PCSK5: variants seen among roughly 807,000 people sequenced by gnomAD.
PCSK5 encodes the protein proprotein convertase subtilisin/kexin type 5.
A neutral mutation model predicts 233.2 loss-of-function variants in PCSK5; 129 were observed. The observed-to-expected ratio is 0.55, with a 90% CI of 0.48 to 0.64. The LOEUF (loss-of-function observed/expected upper bound fraction) is 0.64, where lower values mean the gene tolerates loss of function less well. PCSK5 is among the 30% of genes least tolerant of loss of function. The pLI is 0.00. For missense variants in PCSK5, 2,076 were observed against 2,430.1 expected (o/e 0.85, Z 3.06); for synonymous variants, 825 against 879.2 (o/e 0.94, Z 1.09).
At chr9:76,200,250 T>C (rs2131268619) in intron 20 of PCSK5, among the ~76,000 whole-genome samples, 1 of 152,340 alleles carries the variant, frequency 6.6e-6, no homozygotes, top group African/African-American at 2.4e-5. Flanking sequence ...CCATCCCCCA[T>C]GCCCTCACAT....
At chr9:76,196,413 C>T (rs1348196975) in intron 20 of PCSK5, among the ~76,000 whole-genome samples, 2 of 152,210 alleles carry the variant, frequency 1.3e-5, no homozygotes, top group African/African-American at 2.4e-5. Context: ...AATAAATCTC[C>T]GGTACATACC....
At chr9:76,115,872 G>C (rs148270219) in intron 9 of PCSK5, among the ~76,000 whole-genome samples, 21 of 152,182 alleles carry the variant, frequency 1.4e-4, no homozygotes, top group Non-Finnish European at 2.2e-4. Flanking sequence ...CTTGGGCTGA[G>C]TTTTGAATTG....
At chr9:76,338,572 T>G (rs1409021539) in intron 35 of PCSK5, 125 bp downstream of exon 35, 1 of 662,572 alleles carries the variant, frequency 1.5e-6, no homozygotes, top group Non-Finnish European at 2.6e-6. Context: ...TCGTGTGTGA[T>G]CCTCTCCAGC....
intron 3 of PCSK5, among the ~76,000 whole-genome samples, chr9:76,007,796 TTG>T (rs59860078): frequency 0.058 from 7,474 of 128,184 alleles, 218 homozygotes; most frequent in African/African-American, 0.1. Context: ...CCGGCTAATT[TTG>T]TGTGTGTGTG....
chr9:76,139,885 C>G (rs904155204), intron 10 of PCSK5, among the ~76,000 whole-genome samples: 1 of 152,104 alleles, frequency 6.6e-6, no homozygotes, highest in South Asian at 2.1e-4. Flanking sequence ...ACCCAAACAT[C>G]TCCATGGGAA....
intron 5 of PCSK5, among the ~76,000 whole-genome samples, chr9:76,057,434 G>A (rs1407764500): frequency 6.6e-6 from 1 of 151,744 alleles, no homozygotes; most frequent in South Asian, 2.1e-4. Context: ...AATGGGCTAG[G>A]GTGATTTAAA....
chr9:76,151,799 A>C (rs536189014), intron 10 of PCSK5, among the ~76,000 whole-genome samples: 1 of 152,268 alleles, frequency 6.6e-6, no homozygotes, highest in South Asian at 2.1e-4. Flanking sequence ...GTAATTATGC[A>C]GTTTGGTGCT....
At chr9:75,944,638 A>T (rs947171179) in intron 2 of PCSK5, among the ~76,000 whole-genome samples, 1 of 151,966 alleles carries the variant, frequency 6.6e-6, no homozygotes, top group African/African-American at 2.4e-5. Flanking sequence ...TTTCTCCCAC[A>T]TGTGTAAAGT....
intron 2 of PCSK5, among the ~76,000 whole-genome samples, chr9:75,964,144 T>G (rs975915129): frequency 1.3e-5 from 2 of 152,164 alleles, no homozygotes; most frequent in African/African-American, 4.8e-5. Flanking sequence ...GATGACACTT[T>G]CTGCTGCATC....
chr9:76,302,079 C>G, intron 27 of PCSK5, 58 bp from the exon 28 acceptor site: 1 of 803,118 alleles, frequency 1.2e-6, no homozygotes, highest in Non-Finnish European at 1.8e-6. Context: ...TGAAGTTTAT[C>G]TTCTTTATCC....
At chr9:76,317,751 A>G (rs1340859731) in intron 30 of PCSK5, among the ~76,000 whole-genome samples, 1 of 152,200 alleles carries the variant, frequency 6.6e-6, no homozygotes, top group Non-Finnish European at 1.5e-5. Context: ...GAGGCATAAA[A>G]TGTGCCCGAT....
At chr9:76,260,510 A>T (rs1827135363) in intron 24 of PCSK5, among the ~76,000 whole-genome samples, 1 of 152,262 alleles carries the variant, frequency 6.6e-6, no homozygotes, top group Non-Finnish European at 1.5e-5. Flanking sequence ...TGAAGCTGGC[A>T]GAAGAGATGC....
chr9:76,058,268 A>T lies in PCSK5; in HGVS notation c.633-9687A>T, dbSNP rs545534162. The stretch of plus-strand genomic sequence containing the variant: ...TTTTCGAGAGTGAGCAACCAACCTC[A>T]TCCAGCCTGGAGGTATTTTTTAATA... On this transcript the variant is annotated intron_variant, in intron 5 of 37. Coordinates refer to ENST00000674117, the MANE Select transcript of PCSK5 (RefSeq NM_001372043.1). Among the ~76,000 whole-genome samples the T allele has an allele frequency of 1.2e-4, 18 of 152,260 alleles. No individual in the cohort carries two copies. The South Asian group carries it at 2.7e-3, about 23-fold the overall frequency.
intron 2 of PCSK5, among the ~76,000 whole-genome samples, chr9:75,977,755 C>T (rs62555951): frequency 0.35 from 52,756 of 151,142 alleles, 9,902 homozygotes; most frequent in Non-Finnish European, 0.42. Context: ...GGATTACAGG[C>T]GCCTCCCACC....
chr9:76,341,583 T>C (rs1310966003), intron 35 of PCSK5, among the ~76,000 whole-genome samples: 1 of 152,226 alleles, frequency 6.6e-6, no homozygotes, highest in Non-Finnish European at 1.5e-5. Context: ...CGTGAGCCAC[T>C]GCACTGGCCT....
At chr9:76,346,637 A>G (rs11144849) in intron 35 of PCSK5, among the ~76,000 whole-genome samples, 39,104 of 152,002 alleles carry the variant, frequency 0.26, 5,191 homozygotes, top group Middle Eastern at 0.41. Context: ...TCTTTACTAT[A>G]GCACATATGT....
intron 1 of PCSK5, among the ~76,000 whole-genome samples, chr9:75,915,315 G>C (rs1320622265): frequency 6.6e-6 from 1 of 152,164 alleles, no homozygotes; most frequent in Non-Finnish European, 1.5e-5. Context: ...TGAGCAGCCT[G>C]TTCTGTTTAT....
chr9:76,236,652 T>C (rs970309596), intron 22 of PCSK5, among the ~76,000 whole-genome samples: 1 of 152,192 alleles, frequency 6.6e-6, no homozygotes, highest in African/African-American at 2.4e-5. Context: ...AATCTTGACA[T>C]AGTCCTGGAC....
At chr9:76,047,943 A>T (rs9886774) in intron 5 of PCSK5, among the ~76,000 whole-genome samples, 42,355 of 152,144 alleles carry the variant, frequency 0.28, 6,981 homozygotes, top group African/African-American at 0.46. Context: ...TAGTAGGGTC[A>T]TAAACAGACT....
Sources: gnomAD v4.1 joint callset for allele counts (sites outside exome capture counted in the v4.1 genomes callset) on GRCh38, gnomAD v4.1.1 for gene constraint, MANE v1.5 for transcripts, NCBI Gene and HGNC (gene_info 2026-07-23, HGNC 2026-07-21) for gene names.